The following FUNDC1 variants were observed in gnomAD, a reference collection of about 807,000 sequenced individuals.
FUNDC1 encodes FUN14 domain containing 1.
A neutral mutation model predicts 14.5 loss-of-function variants in FUNDC1; 10 were observed. The ratio of observed to expected loss-of-function variants is 0.69; its 90% CI spans 0.43 to 1.17. FUNDC1 has a LOEUF of 1.17. Ranked by LOEUF, FUNDC1 falls within the 50% of genes most tolerant of loss-of-function variation. FUNDC1 has a pLI of 0.00. For synonymous variants in FUNDC1, 33 were observed against 39.7 expected, an observed-to-expected ratio of 0.83 and a Z score of 0.64; for missense variants, 115 against 113.8, an observed-to-expected ratio of 1.01 and a Z score of -0.05.
chrX:44,523,971 G>A lies in FUNDC1; in HGVS notation c.*227C>T, dbSNP rs1191438282. The A allele has an allele frequency of 2.5e-5, 8 of 316,343 alleles. No homozygotes were observed. The highest frequency in any genetic ancestry group is 4.4e-5 in the Non-Finnish European group (8 of 180,677). The allele number at this position is 316,343 out of a possible 1,213,427, so 26.1% of individuals were successfully genotyped here. On this transcript the variant is annotated 3_prime_UTR_variant, in exon 5 of 5. Coordinates refer to ENST00000378045, the MANE Select transcript of FUNDC1 (RefSeq NM_173794.4). ...ATTTTTACAAAGCGATGAAAGCCAC[G>A]TTTTGCTCAGGAATACTACGGTTCA... is the stretch of plus-strand genomic sequence containing the variant.
At chrX:44,527,437 T>C in intron 3 of FUNDC1, 72 bp from the exon 4 acceptor site, 1 of 789,447 alleles carries the variant, frequency 1.3e-6, no homozygotes, top group Non-Finnish European at 1.8e-6. Context: ...CAAGAATATA[T>C]AAACACTTAA....
intron 3 of FUNDC1, 137 bp from the exon 4 acceptor site, chrX:44,527,502 T>C: frequency 5.1e-6 from 2 of 392,638 alleles, no homozygotes; most frequent in Non-Finnish European, 8.3e-6. Flanking sequence ...TCTCCACTAG[T>C]TTATTCATTT....
intron 4 of FUNDC1, among the ~76,000 whole-genome samples, chrX:44,526,521 A>T (rs1433108175): frequency 9.0e-6 from 1 of 110,530 alleles, no homozygotes; most frequent in Non-Finnish European, 1.9e-5. Context: ...GTATAAGAGA[A>T]TATCTGTACT....
At chrX:44,530,248 T>C (rs73628353) in intron 3 of FUNDC1, among the ~76,000 whole-genome samples, 15,763 of 111,359 alleles carry the variant, frequency 0.14, 1,756 homozygotes, top group African/African-American at 0.38. Flanking sequence ...AAATATTTAA[T>C]GGGATTACAT....
Position 44,531,359 on chromosome X carries a change from C to A in FUNDC1, c.262-3994G>T, listed in dbSNP as rs7058311. ...ACACACACACACACACACACACACA[C>A]ACACACACACACGGCTTTCAGATGA... On this transcript the variant is annotated intron_variant, in intron 3 of 4. Coordinates refer to ENST00000378045, the MANE Select transcript of FUNDC1 (RefSeq NM_173794.4). 5.8e-4 allele frequency among the ~76,000 whole-genome samples: 46 copies of A among 79,319 alleles called. 1 individual carries two copies. Among genetic ancestry groups the A allele is most frequent in the African/African-American group, 2.9e-3 (34 of 11,786 alleles). The allele number at this position is 79,319 out of a possible 115,157, so 68.9% of individuals were successfully genotyped here.
Position 44,530,343 on chromosome X carries a change from C to T in FUNDC1, c.262-2978G>A, listed in dbSNP as rs1433665936. Among the ~76,000 whole-genome samples, 6 of 112,271 alleles carry T rather than the reference C, an allele frequency of 5.3e-5. No individual in the cohort carries two copies. In the South Asian group the frequency reaches 1.1e-3, roughly 21 times the overall value. On this transcript the variant is annotated intron_variant, in intron 3 of 4. Transcript: ENST00000378045. ...ATTCCAGGCCGGGCTCCGTGGCTCA[C>T]GCCTGTAATGTTAGCACTTTGGGAG...
Position 44,527,411 on chromosome X carries a change from T to C in FUNDC1, c.262-46A>G, listed in dbSNP as rs370844252. On this transcript the variant is annotated intron_variant, in intron 3 of 4. Coordinates refer to ENST00000378045, the MANE Select transcript of FUNDC1 (RefSeq NM_173794.4). ...ATTATCAATACTATACCAACTAGGT[T>C]GCTGACTATAATAGCCAAGAATATA... The C allele has an allele frequency of 5.0e-6, 5 of 1,006,382 alleles. No individual in the cohort carries two copies. In the African/African-American group the frequency reaches 9.6e-5, roughly 19 times the overall value. The allele number at this position is 1,006,382 out of a possible 1,213,427, so 82.9% of individuals were successfully genotyped here. A position where few individuals can be genotyped will look rare whatever the true frequency, so the allele number is the denominator to read the frequency against.
chrX:44,538,762 G>A lies in FUNDC1; in HGVS notation c.186-220C>T, dbSNP rs747285018. Reference sequence around the variant, plus strand: ...GAAATTTGCTTCAAAATAAGGGACGGAGAGAAGAGGAGGAGAATTTATAGA... The same window carrying A: ...GAAATTTGCTTCAAAATAAGGGACGAAGAGAAGAGGAGGAGAATTTATAGA... On this transcript the variant is annotated intron_variant, in intron 2 of 4. Coordinates refer to ENST00000378045, the MANE Select transcript of FUNDC1 (RefSeq NM_173794.4). Among the ~76,000 whole-genome samples the A allele has an allele frequency of 6.4e-4, 71 of 111,547 alleles. 1 individual carries two copies. The highest frequency in any genetic ancestry group is 2.2e-3 in the African/African-American group (68 of 30,717).
intron 3 of FUNDC1, among the ~76,000 whole-genome samples, chrX:44,528,757 C>T (rs1422214439): frequency 8.9e-6 from 1 of 112,558 alleles, no homozygotes; most frequent in Non-Finnish European, 1.9e-5. Context: ...AGTGCAGTGG[C>T]GTGATCTCTG....
At chrX:44,536,079 C>T (rs112487288) in intron 3 of FUNDC1, among the ~76,000 whole-genome samples, 15,052 of 107,603 alleles carry the variant, frequency 0.14, 1,788 homozygotes, top group African/African-American at 0.38. Flanking sequence ...TTTGGGAGGC[C>T]GAGGCGGGTG....
At chrX:44,536,243 C>T (rs1336783418) in intron 3 of FUNDC1, among the ~76,000 whole-genome samples, 1 of 104,878 alleles carries the variant, frequency 9.5e-6, no homozygotes, top group African/African-American at 3.5e-5. Context: ...CACTTGAATC[C>T]GGGAGGTGGA....
intron 3 of FUNDC1, among the ~76,000 whole-genome samples, chrX:44,538,189 G>A (rs2038956028): frequency 8.9e-6 from 1 of 111,929 alleles, no homozygotes; most frequent in Non-Finnish European, 1.9e-5. Flanking sequence ...TCACCATGTT[G>A]GCCAGGCTGG....
chrX:44,527,417 C>T (rs2038907032), intron 3 of FUNDC1, 52 bp from the exon 4 acceptor site: 2 of 912,636 alleles, frequency 2.2e-6, no homozygotes, highest in Non-Finnish European at 1.5e-6. Flanking sequence ...AGGTTGCTGA[C>T]TATAATAGCC....
chrX:44,524,602 T>A (rs955222190), intron 4 of FUNDC1, among the ~76,000 whole-genome samples: 1 of 111,476 alleles, frequency 9.0e-6, no homozygotes, highest in Admixed American at 9.7e-5. Context: ...TGTATAACTA[T>A]TTTACCACAA....
chrX:44,531,940 C>T (rs1026906606), intron 3 of FUNDC1, among the ~76,000 whole-genome samples: 3 of 111,469 alleles, frequency 2.7e-5, no homozygotes, highest in African/African-American at 9.8e-5. Context: ...AAATAAATAT[C>T]CATGAGTCCA....
Position 44,531,305 on chromosome X carries a change from ATGTTGG to A in FUNDC1, c.262-3946_262-3941del, listed in dbSNP as rs1569187117. 6.2e-3 allele frequency among the ~76,000 whole-genome samples: 218 copies of A among 35,278 alleles called. 35 individuals are homozygous for A. Among genetic ancestry groups the A allele is most frequent in the African/African-American group, 0.024 (38 of 1,585 alleles). The allele number at this position is 35,278 out of a possible 115,157, so 30.6% of individuals were successfully genotyped here. Reference sequence around the variant, plus strand: ...ACACACGGCTTTCAGATGAAGATTCATGTTGGCCAGACACACACACACACACACACA... The same window carrying A: ...ACACACGGCTTTCAGATGAAGATTCACCAGACACACACACACACACACACA... On this transcript the variant is annotated intron_variant, in intron 3 of 4. Coordinates refer to ENST00000378045, the MANE Select transcript of FUNDC1 (RefSeq NM_173794.4).
intron 3 of FUNDC1, among the ~76,000 whole-genome samples, chrX:44,528,753 G>A (rs536796503): frequency 1.8e-5 from 2 of 112,672 alleles, no homozygotes; most frequent in South Asian, 3.6e-4. Context: ...CTGGAGTGCA[G>A]TGGCGTGATC....
intron 2 of FUNDC1, among the ~76,000 whole-genome samples, chrX:44,539,963 G>T (rs1190805880): frequency 9.0e-6 from 1 of 110,892 alleles, no homozygotes; most frequent in South Asian, 3.8e-4. Context: ...CACCGCACCT[G>T]GCCTCCACAG....
At chrX:44,541,869 G>A (rs2038973310) in intron 2 of FUNDC1, 76 bp downstream of exon 2, 1 of 945,864 alleles carries the variant, frequency 1.1e-6, no homozygotes, top group South Asian at 2.4e-5. Context: ...TGTGCACGGT[G>A]ATTCTTGCCC....
Sources: allele counts gnomAD v4.1 joint callset (sites outside exome capture counted in the v4.1 genomes callset), GRCh38; gene constraint gnomAD v4.1.1; transcripts MANE v1.5; gene names NCBI Gene and HGNC (gene_info 2026-07-23, HGNC 2026-07-21).